AKAP6: variants seen among roughly 807,000 people sequenced by gnomAD.
AKAP6 encodes the protein A-kinase anchoring protein 6.
Under a neutral mutation model 188.5 loss-of-function variants are expected in AKAP6, and 58 were observed. The observed-to-expected ratio is 0.31, with a 90% CI of 0.25 to 0.38. The LOEUF is 0.38. Ranked by LOEUF, AKAP6 falls within the 10% of genes least tolerant of loss-of-function variation. AKAP6 has a pLI of 1.00. For synonymous variants in AKAP6, 989 were observed against 998.6 expected, an observed-to-expected ratio of 0.99 and a Z score of 0.18; for missense variants, 2,710 against 2,740.0, an observed-to-expected ratio of 0.99 and a Z score of 0.24.
At chr14:32,695,890 A>G in intron 8 of AKAP6, 100 bp from the exon 9 acceptor site, 3 of 1,379,390 alleles carry the variant, frequency 2.2e-6, no homozygotes, top group African/African-American at 1.5e-5. Flanking sequence ...TGTAGATAAC[A>G]CTAGAAACAT....
At chr14:32,583,256 C>G (rs1328835891) in intron 5 of AKAP6, among the ~76,000 whole-genome samples, 3 of 152,206 alleles carry the variant, frequency 2.0e-5, no homozygotes, top group Non-Finnish European at 2.9e-5. Context: ...GAGGTCCACT[C>G]CAGACCCTGT....
chr14:32,425,753 T>C (rs1190268448), intron 1 of AKAP6, among the ~76,000 whole-genome samples: 1 of 152,206 alleles, frequency 6.6e-6, no homozygotes, highest in African/African-American at 2.4e-5. Context: ...AGTAGACCTT[T>C]GTTAGATGCA....
intron 9 of AKAP6, among the ~76,000 whole-genome samples, chr14:32,727,019 G>A (rs2030907627): frequency 6.6e-6 from 1 of 152,102 alleles, no homozygotes; most frequent in African/African-American, 2.4e-5. Flanking sequence ...CTCATTAAAG[G>A]CCATACAAAG....
chr14:32,417,606 T>G (rs190858846), intron 1 of AKAP6, among the ~76,000 whole-genome samples: 3 of 152,286 alleles, frequency 2.0e-5, no homozygotes. Context: ...CTAAACAAAG[T>G]GAGAGGCTCA....
intron 5 of AKAP6, among the ~76,000 whole-genome samples, chr14:32,589,652 G>C (rs138387330): frequency 2.6e-5 from 4 of 152,076 alleles, no homozygotes; most frequent in Admixed American, 6.6e-5. Flanking sequence ...AGGACTCTTG[G>C]GCCATAATAC....
At chr14:32,410,505 G>A (rs202079700) in intron 1 of AKAP6, among the ~76,000 whole-genome samples, 47 of 152,202 alleles carry the variant, frequency 3.1e-4, no homozygotes, top group South Asian at 1.0e-3. Flanking sequence ...AGGCTGTGCC[G>A]TAACCACCTC....
At position 32,823,431 on chromosome 14, in the gene AKAP6, G is replaced by A. The variant is rs1482721510; in HGVS notation, c.5618G>A (p.Gly1873Glu). ...GKNSSHTHEL[G>E]TKRENKKTIF... ...AATTCATCTCATACCCATGAGTTAG[G>A]GACAAAGCGTGAAAATAAGAAAACT... is the stretch of plus-strand genomic sequence containing the variant. Residue 1873 changes from glycine to glutamate, a missense_variant, in exon 13 of 14, where the codon GGG (glycine) becomes GAG (glutamate). This residue lies in a region of AKAP6 where 2,473 missense variants were observed against 2,426.1 expected (regional missense o/e 1.02). Transcript: ENST00000280979. The A allele has an allele frequency of 6.2e-7, 1 of 1,613,468 alleles. No individual in the cohort carries two copies. Among genetic ancestry groups the A allele is most frequent in the South Asian group, 1.1e-5 (1 of 91,010 alleles).
Position 32,568,567 on chromosome 14 carries a change from T to C in AKAP6, c.2347-8553T>C, listed in dbSNP as rs1408713922. On this transcript the variant is annotated intron_variant, in intron 4 of 13. Coordinates refer to ENST00000280979, the MANE Select transcript of AKAP6 (RefSeq NM_004274.5). The surrounding 1 kb of genome is among the most constrained non-coding windows in gnomAD (Gnocchi z 6.2). ...GAGACTTAAAGGCAGATAAAGATGATCTGATCTGCTTATCCAGTGTCTTGG... is the reference window on the plus strand; with the variant it reads ...GAGACTTAAAGGCAGATAAAGATGACCTGATCTGCTTATCCAGTGTCTTGG... 6.6e-6 allele frequency among the ~76,000 whole-genome samples: 1 copy of C among 152,174 alleles called. No individual in the cohort carries two copies. Among genetic ancestry groups the C allele is most frequent in the Admixed American group, 6.5e-5 (1 of 15,280 alleles).
intron 7 of AKAP6, among the ~76,000 whole-genome samples, chr14:32,644,637 C>T (rs1887908000): frequency 6.6e-6 from 1 of 152,116 alleles, no homozygotes; most frequent in African/African-American, 2.4e-5. Context: ...GGCTTTATTT[C>T]TCTATTGCAT....
At chr14:32,693,168 A>G (rs1400258234) in intron 8 of AKAP6, among the ~76,000 whole-genome samples, 1 of 152,134 alleles carries the variant, frequency 6.6e-6, no homozygotes, top group African/African-American at 2.4e-5. Flanking sequence ...TGTCAAGGAT[A>G]TTATGAGGCT....
intron 2 of AKAP6, among the ~76,000 whole-genome samples, chr14:32,522,080 A>C (rs886064076): frequency 7.9e-5 from 12 of 152,316 alleles, no homozygotes; most frequent in South Asian, 4.1e-4. Flanking sequence ...CGAAAACAAG[A>C]AATGGGGAAA....
intron 8 of AKAP6, among the ~76,000 whole-genome samples, chr14:32,694,315 T>C (rs1196856139): frequency 1.3e-5 from 2 of 149,416 alleles, no homozygotes; most frequent in African/African-American, 4.9e-5. Flanking sequence ...AGGCAGAGAT[T>C]GTGCCACTGC....
chr14:32,520,654 T>G (rs887071378), intron 2 of AKAP6, among the ~76,000 whole-genome samples: 2 of 152,232 alleles, frequency 1.3e-5, no homozygotes, highest in African/African-American at 4.8e-5. Flanking sequence ...CAGGAAGAAG[T>G]TGAATCTCTT....
intron 2 of AKAP6, among the ~76,000 whole-genome samples, chr14:32,454,685 TTCCCTCCC>T (rs1254335216): frequency 1.7e-4 from 5 of 29,064 alleles, no homozygotes; most frequent in African/African-American, 7.3e-4. Context: ...CCTTCCCTCC[TTCCCTCCC>T]TCCCTCCCTC....
Position 32,546,839 on chromosome 14 carries a change from C to T in AKAP6, c.2186C>T (p.Pro729Leu). ...CTTTCTGATGAGGAGTCCAGTATGC[C>T]TCTCGCTGGCATGAAAAAGTATGCT... ...DILSDEESSM[P>L]LAGMKKYADE... Residue 729 changes from proline to leucine, a missense_variant, in exon 4 of 14, where the codon CCT becomes CTT. By Grantham distance (98) the Pro-to-Leu change is moderately conservative. Coordinates refer to ENST00000280979, the MANE Select transcript of AKAP6 (RefSeq NM_004274.5). The T allele has an allele frequency of 1.9e-6, 3 of 1,613,984 alleles. No homozygotes were observed. Among genetic ancestry groups the T allele is most frequent in the Non-Finnish European group, 2.5e-6 (3 of 1,179,998 alleles).
At chr14:32,774,605 T>C (rs2032998054) in intron 12 of AKAP6, among the ~76,000 whole-genome samples, 1 of 152,204 alleles carries the variant, frequency 6.6e-6, no homozygotes, top group African/African-American at 2.4e-5. Flanking sequence ...TAATATACGA[T>C]GCATATTTGT....
chr14:32,404,117 A>T (rs1415277669), intron 1 of AKAP6, among the ~76,000 whole-genome samples: 1 of 152,110 alleles, frequency 6.6e-6, no homozygotes, highest in Non-Finnish European at 1.5e-5. Context: ...TTTTTGAAAA[A>T]TATTAACAAA....
intron 12 of AKAP6, among the ~76,000 whole-genome samples, chr14:32,797,869 T>A (rs553211871): frequency 1.4e-5 from 2 of 146,576 alleles, no homozygotes; most frequent in Non-Finnish European, 3.0e-5. Context: ...ATAACTAAGA[T>A]GCTAAAAGCA....
At chr14:32,453,614 T>G (rs1891015103) in intron 2 of AKAP6, among the ~76,000 whole-genome samples, 1 of 75,320 alleles carries the variant, frequency 1.3e-5, no homozygotes, top group African/African-American at 7.3e-5. Context: ...TTTTTTTTTT[T>G]GAGACGGAGT....
Sources: allele counts gnomAD v4.1 joint callset (sites outside exome capture counted in the v4.1 genomes callset), GRCh38; gene constraint gnomAD v4.1.1; regional missense constraint gnomAD v4.1.1; non-coding constraint Gnocchi (gnomAD v3.1); transcripts MANE v1.5; gene names NCBI Gene and HGNC (gene_info 2026-07-23, HGNC 2026-07-21).